Variants in ADAMTS14 observed in about 807,000 individuals in gnomAD.
ADAMTS14 encodes the protein ADAM metallopeptidase with thrombospondin type 1 motif 14.
ADAMTS14 carries 100 observed loss-of-function variants against 128.6 expected under a neutral mutation model. The ratio of observed to expected loss-of-function variants is 0.78; its 90% CI spans 0.66 to 0.92. The LOEUF (loss-of-function observed/expected upper bound fraction) is 0.92, where lower values mean the gene tolerates loss of function less well. Among genes scored for constraint, ADAMTS14 ranks in the 40% least tolerant of loss-of-function variants. The pLI is 0.00. For missense variants in ADAMTS14, 1,562 were observed against 1,658.6 expected, an observed-to-expected ratio of 0.94 and a Z score of 1.01; for synonymous variants, 665 against 653.8, an observed-to-expected ratio of 1.02 and a Z score of -0.26.
chr10:70,757,899 C>G lies in ADAMTS14; in HGVS notation c.2938-63C>G, dbSNP rs1364970180. The stretch of plus-strand genomic sequence containing the variant: ...CTGGGCTCTGAGCTCACTGACTCGT[C>G]TTTCTTCTCTCCACCTACCCTGACC... On this transcript the variant is annotated intron_variant, in intron 19 of 21. Coordinates refer to ENST00000373207, the MANE Select transcript of ADAMTS14 (RefSeq NM_080722.4). The G allele has an allele frequency of 5.9e-6, 9 of 1,527,696 alleles. No homozygotes were observed. In the African/African-American group the frequency reaches 1.2e-4, roughly 21 times the overall value. The allele number at this position is 1,527,696 out of a possible 1,614,324, so 94.6% of individuals were successfully genotyped here.
At position 70,760,462 on chromosome 10, in the gene ADAMTS14, T is replaced by C; in HGVS notation, c.3281T>C (p.Ile1094Thr). 3.1e-6 allele frequency: 5 copies of C among 1,613,872 alleles called. No individual in the cohort carries two copies. Among genetic ancestry groups the C allele is most frequent in the Non-Finnish European group, 3.4e-6 (4 of 1,179,952 alleles). The change falls in exon 22 of 22, where the codon ATC (isoleucine) becomes ACC (threonine). Residue 1094 changes from isoleucine (I) to threonine (T), a missense_variant. Transcript: ENST00000373207. Reference protein sequence around the residue: ...GYHRLCCVSCIKKASGPNPGP... With the variant: ...GYHRLCCVSCTKKASGPNPGP... ...CACCGGCTCTGCTGTGTGTCCTGCATCAAGAAGGCCTCGGGCCCCAACCCT... is the reference window on the plus strand; with the variant it reads ...CACCGGCTCTGCTGTGTGTCCTGCACCAAGAAGGCCTCGGGCCCCAACCCT...
intron 18 of ADAMTS14, among the ~76,000 whole-genome samples, chr10:70,753,236 C>T (rs552052378): frequency 1.3e-5 from 2 of 152,300 alleles, no homozygotes; most frequent in Middle Eastern, 3.4e-3. Flanking sequence ...AGTGGGCATG[C>T]GCTTAAGATG....
At chr10:70,737,174 C>A (rs889978268) in intron 10 of ADAMTS14, among the ~76,000 whole-genome samples, 12 of 152,146 alleles carry the variant, frequency 7.9e-5, no homozygotes, top group African/African-American at 2.2e-4. Context: ...GCAGAGAAAT[C>A]TCTGTGTGTC....
At chr10:70,738,726 G>A (rs1202092763) in intron 10 of ADAMTS14, 116 bp from the exon 11 acceptor site, 1 of 1,405,652 alleles carries the variant, frequency 7.1e-7, no homozygotes. Flanking sequence ...GCTCATGCTA[G>A]GGGTGGGATT....
At chr10:70,755,706 G>A (rs1443799628) in intron 19 of ADAMTS14, among the ~76,000 whole-genome samples, 1 of 152,226 alleles carries the variant, frequency 6.6e-6, no homozygotes, top group African/African-American at 2.4e-5. Context: ...TTAGCCGGGT[G>A]TGGTGGCTGG....
chr10:70,686,350 T>C (rs1839951309), intron 2 of ADAMTS14, among the ~76,000 whole-genome samples: 1 of 127,940 alleles, frequency 7.8e-6, no homozygotes, highest in East Asian at 2.2e-4. Context: ...TTTGGCAGGG[T>C]CATGGGACAA....
At chr10:70,733,158 G>A (rs74892368) in intron 7 of ADAMTS14, among the ~76,000 whole-genome samples, 5,044 of 152,258 alleles carry the variant, frequency 0.033, 321 homozygotes, top group African/African-American at 0.12. Flanking sequence ...CTGACACCAG[G>A]GGAACCTCTG....
intron 15 of ADAMTS14, among the ~76,000 whole-genome samples, chr10:70,749,053 G>A (rs924983648): frequency 2.6e-5 from 4 of 152,222 alleles, no homozygotes; most frequent in African/African-American, 9.6e-5. Flanking sequence ...TAAAATCTCT[G>A]CCTCTGTTCC....
At chr10:70,709,411 A>G (rs557801831) in intron 4 of ADAMTS14, among the ~76,000 whole-genome samples, 139 of 150,500 alleles carry the variant, frequency 9.2e-4, no homozygotes, top group African/African-American at 3.1e-3. Context: ...TTTCAAGAAA[A>G]GTCAGAAATG....
intron 4 of ADAMTS14, among the ~76,000 whole-genome samples, chr10:70,711,472 C>T (rs1018372017): frequency 6.6e-6 from 1 of 152,210 alleles, no homozygotes; most frequent in Non-Finnish European, 1.5e-5. Context: ...CTGAGCTGGC[C>T]AGTCACCCCA....
chr10:70,758,387 C>A, intron 21 of ADAMTS14, 102 bp downstream of exon 21: 1 of 1,015,604 alleles, frequency 9.8e-7, no homozygotes, highest in Non-Finnish European at 1.4e-6. Flanking sequence ...TTGTAGCTGT[C>A]TGTGTGACCT....
chr10:70,746,748 C>T (rs748879497), intron 15 of ADAMTS14, among the ~76,000 whole-genome samples: 56 of 152,028 alleles, frequency 3.7e-4, no homozygotes, highest in Non-Finnish European at 5.9e-4. Context: ...ATTTTTTTTT[C>T]ACTGAATTGT....
intron 16 of ADAMTS14, among the ~76,000 whole-genome samples, chr10:70,750,946 G>C (rs969807735): frequency 6.6e-6 from 1 of 152,116 alleles, no homozygotes; most frequent in South Asian, 2.1e-4. Flanking sequence ...TCTTAGATAC[G>C]ACAGGCACTA....
At chr10:70,708,818 T>TGG in intron 4 of ADAMTS14, 40 bp downstream of exon 4, 21 of 383,234 alleles carry the variant, frequency 5.5e-5, no homozygotes, top group Non-Finnish European at 7.6e-5. Flanking sequence ...GGGAGTGGGG[T>TGG]GGGGTGGGCC....
intron 2 of ADAMTS14, among the ~76,000 whole-genome samples, chr10:70,682,795 C>T (rs1350425368): frequency 6.6e-6 from 1 of 152,050 alleles, no homozygotes; most frequent in Non-Finnish European, 1.5e-5. Context: ...GGCCTTGGAC[C>T]CCCTCAGGCC....
intron 2 of ADAMTS14, among the ~76,000 whole-genome samples, chr10:70,692,895 A>G (rs1840231078): frequency 6.6e-6 from 1 of 152,044 alleles, no homozygotes; most frequent in African/African-American, 2.4e-5. Flanking sequence ...CATGTGTGGT[A>G]GTCCATTTTT....
Position 70,674,547 on chromosome 10 carries a change from C to T in ADAMTS14, c.83-9C>T, listed in dbSNP as rs377149256. ...TGCATTGAAGTGACTCTTTGTTTAC[C>T]TCCAACAGAGCTGCACCTCTCTGGA... On this transcript the variant is annotated splice_polypyrimidine_tract_variant and intron_variant, in intron 1 of 21. Coordinates refer to ENST00000373207, the MANE Select transcript of ADAMTS14 (RefSeq NM_080722.4). 5.5e-4 allele frequency: 889 copies of T among 1,605,334 alleles called. 8 individuals carry two copies. The South Asian group carries it at 9.2e-3, about 17-fold the overall frequency.
Position 70,744,185 on chromosome 10 carries a change from G to T in ADAMTS14, c.2178G>T (p.Gln726His), listed in dbSNP as rs780776450. 17 of 1,531,240 alleles carry T rather than the reference G, an allele frequency of 1.1e-5. No individual in the cohort carries two copies. Among genetic ancestry groups the T allele is most frequent in the Non-Finnish European group, 1.2e-5 (14 of 1,133,570 alleles). 94.9% of individuals were successfully genotyped at this position (1,531,240 alleles called of 1,614,324 possible). Reference sequence around the variant, plus strand: ...GGACGCTGGGCAAGGCCTCCAAGCAGGCAGGTGAGCCGGGCTGGGGCTGGG... The same window carrying T: ...GGACGCTGGGCAAGGCCTCCAAGCATGCAGGTGAGCCGGGCTGGGGCTGGG... ...VKGTLGKASK[Q>H]AGALKLVQIP... Residue 726 changes from glutamine (Q) to histidine (H), a missense_variant, in exon 14 of 22, where the codon CAG (glutamine) becomes CAT (histidine). Physicochemically the swap from Gln to His is conservative, Grantham distance 24. Coordinates refer to ENST00000373207, the MANE Select transcript of ADAMTS14 (RefSeq NM_080722.4).
chr10:70,691,591 C>T (rs1840192087), intron 2 of ADAMTS14, among the ~76,000 whole-genome samples: 2 of 151,826 alleles, frequency 1.3e-5, no homozygotes, highest in African/African-American at 4.8e-5. Flanking sequence ...CCAGTCATCA[C>T]CTTCATCATC....
Sources: allele counts gnomAD v4.1 joint callset (sites outside exome capture counted in the v4.1 genomes callset), GRCh38; gene constraint gnomAD v4.1.1; transcripts MANE v1.5; gene names NCBI Gene and HGNC (gene_info 2026-07-23, HGNC 2026-07-21).